The following BTAF1 variants were observed in gnomAD, a reference collection of about 807,000 sequenced individuals.
BTAF1 encodes the protein B-TFIID TATA-box binding protein associated factor 1.
Under a neutral mutation model 227.1 loss-of-function variants are expected in BTAF1, and 38 were observed. The ratio of observed to expected loss-of-function variants is 0.17; its 90% CI spans 0.13 to 0.22. The LOEUF (loss-of-function observed/expected upper bound fraction) is 0.22, where lower values mean the gene tolerates loss of function less well. BTAF1 is among the 10% of genes least tolerant of loss of function. The pLI is 1.00. For synonymous variants in BTAF1, 742 were observed against 751.9 expected (o/e 0.99, Z 0.21); for missense variants, 1,598 against 2,204.0 (o/e 0.73, Z 5.51).
intron 19 of BTAF1, among the ~76,000 whole-genome samples, chr10:91,986,335 A>T (rs904528090): frequency 1.3e-5 from 2 of 152,164 alleles, no homozygotes; most frequent in East Asian, 3.8e-4. Flanking sequence ...TCCATGCTTC[A>T]TTACAGCAGC....
Position 91,956,834 on chromosome 10 carries a change from T to C in BTAF1, c.831+177T>C, listed in dbSNP as rs12262352. ...TGAAACCCTGTCTCTACTAAAGATA[T>C]AAAAAATTAGCCAGACGTGGTGGCA... is the stretch of plus-strand genomic sequence containing the variant. On this transcript the variant is annotated intron_variant, in intron 7 of 37. Transcript: ENST00000265990. Among the ~76,000 whole-genome samples, 55,374 of 151,780 alleles carry C rather than the reference T, an allele frequency of 0.36. 11,948 individuals are homozygous for C. The highest frequency in any genetic ancestry group is 0.61 in the African/African-American group (25,408 of 41,356).
chr10:92,013,606 AC>A, intron 30 of BTAF1, 60 bp from the exon 31 acceptor site: 1 of 1,597,754 alleles, frequency 6.3e-7, no homozygotes, highest in East Asian at 2.2e-5. Context: ...CATTAATGTT[AC>A]TTTTTTAGTT....
rs748373174 is a variant in BTAF1, at chr10:92,026,710, C to T, written c.5194C>T (p.Arg1732Ter). ...VFVEHDWNPMRDLQAMDRAHR... is the reference protein window; with the variant it reads ...VFVEHDWNPM ...TGTGGAGCATGACTGGAATCCTATGCGAGATCTACAAGCCATGGACCGGGC... is the reference window on the plus strand; with the variant it reads ...TGTGGAGCATGACTGGAATCCTATGTGAGATCTACAAGCCATGGACCGGGC... The change falls in exon 36 of 38, where the codon CGA becomes TGA. Residue 1732 changes from arginine (R) to a stop codon, truncating the protein, a stop_gained. Transcript: ENST00000265990. LOFTEE classifies it high-confidence loss of function. The T allele has an allele frequency of 6.2e-7, 1 of 1,613,364 alleles. No homozygotes were observed. Among genetic ancestry groups the T allele is most frequent in the Non-Finnish European group, 8.5e-7 (1 of 1,179,802 alleles).
chr10:92,027,095 T>C (rs1029351325), intron 36 of BTAF1, 35 bp from the exon 37 acceptor site: 6 of 1,582,798 alleles, frequency 3.8e-6, no homozygotes, highest in Non-Finnish European at 4.3e-6. Context: ...AAGCATAATA[T>C]GTGTTACGGT....
Position 91,951,397 on chromosome 10 carries a change from T to A in BTAF1, c.401-6T>A. 1 of 1,605,252 alleles carries A rather than the reference T, an allele frequency of 6.2e-7. No individual in the cohort carries two copies. Among genetic ancestry groups the A allele is most frequent in the Non-Finnish European group, 8.5e-7 (1 of 1,177,654 alleles). ...TGGAGAAAACGTATTTCTTTTCTGT[T>A]GAAAGGTGAAGTGGATCCTAAAGAG... On this transcript the variant is annotated splice_polypyrimidine_tract_variant and splice_region_variant and intron_variant, in intron 4 of 37. Transcript: ENST00000265990.
chr10:91,934,812 C>T (rs1374845207), intron 1 of BTAF1, among the ~76,000 whole-genome samples: 1 of 152,036 alleles, frequency 6.6e-6, no homozygotes, highest in East Asian at 1.9e-4. Flanking sequence ...TATTTCTTCC[C>T]CTTTCCCTTT....
intron 37 of BTAF1, 101 bp from the exon 38 acceptor site, chr10:92,028,689 T>G: frequency 8.5e-7 from 1 of 1,177,100 alleles, no homozygotes; most frequent in South Asian, 1.5e-5. Flanking sequence ...TCAATTCTGT[T>G]GAATAATTGT....
Position 91,960,001 on chromosome 10 carries a change from T to C in BTAF1, c.1110T>C (p.Thr370=), listed in dbSNP as rs1335217468. The change falls in exon 11 of 38, where the codon ACT becomes ACC. Residue 370 remains threonine (T), a synonymous_variant. Transcript: ENST00000265990. ...SDEVVAPVRE[T]CAQTLGVVLK... ...AGGTTGTGGCACCAGTTCGTGAAAC[T>C]TGTGCTCAAACATTAGGTGTGGTTT... is the stretch of plus-strand genomic sequence containing the variant. 6.2e-7 allele frequency: 1 copy of C among 1,610,670 alleles called. No individual in the cohort carries two copies. Among genetic ancestry groups the C allele is most frequent in the Admixed American group, 1.7e-5 (1 of 59,578 alleles).
chr10:91,977,897 G>T (rs1847800657), intron 14 of BTAF1, among the ~76,000 whole-genome samples: 1 of 152,104 alleles, frequency 6.6e-6, no homozygotes, highest in Admixed American at 6.5e-5. Context: ...AAAATTGAAG[G>T]GAAAAGTACA....
At chr10:92,004,212 A>G (rs953788501) in intron 25 of BTAF1, among the ~76,000 whole-genome samples, 1 of 152,050 alleles carries the variant, frequency 6.6e-6, no homozygotes, top group Non-Finnish European at 1.5e-5. Flanking sequence ...CTCCTGTGCT[A>G]TACAGAAAGC....
Position 91,959,661 on chromosome 10 carries a change from C to G in BTAF1, c.991-124C>G, listed in dbSNP as rs538952018. On this transcript the variant is annotated intron_variant, in intron 9 of 37. Transcript: ENST00000265990. Reference sequence around the variant, plus strand: ...TTTTTGATTTTGGACCTAAGGTGTCCCCCAAGTCCCCAGTACAAAGTATGA... The same window carrying G: ...TTTTTGATTTTGGACCTAAGGTGTCGCCCAAGTCCCCAGTACAAAGTATGA... The G allele has an allele frequency of 1.6e-5, 6 of 381,360 alleles. No individual in the cohort carries two copies. In the East Asian group the frequency reaches 3.2e-4, roughly 20 times the overall value. 23.6% of individuals were successfully genotyped at this position (381,360 alleles called of 1,614,324 possible).
chr10:92,026,470 G>A (rs1269824255), intron 35 of BTAF1, 122 bp from the exon 36 acceptor site: 2 of 751,222 alleles, frequency 2.7e-6, no homozygotes, highest in Non-Finnish European at 4.1e-6. Flanking sequence ...AGATGATCAT[G>A]TAAGTATCCC....
At chr10:92,008,497 C>T (rs1014110869) in intron 26 of BTAF1, among the ~76,000 whole-genome samples, 3 of 149,876 alleles carry the variant, frequency 2.0e-5, no homozygotes, top group African/African-American at 7.4e-5. Context: ...ATGTGCACCA[C>T]TATGGCCAGC....
Position 91,948,550 on chromosome 10 carries a change from AT to A in BTAF1, c.401-2844del, listed in dbSNP as rs1387807047. 3.4e-5 allele frequency among the ~76,000 whole-genome samples: 5 copies of A among 147,060 alleles called. No individual in the cohort carries two copies. In the East Asian group the frequency reaches 8.0e-4, roughly 24 times the overall value. On this transcript the variant is annotated intron_variant, in intron 4 of 37. Coordinates refer to ENST00000265990, the MANE Select transcript of BTAF1 (RefSeq NM_003972.3). The stretch of plus-strand genomic sequence containing the variant: ...TGCCACCACGCCTGGCTAATTTTTT[AT>A]TTTTTTTTCTGTAGAGATGGGGGTC...
intron 6 of BTAF1, 133 bp from the exon 7 acceptor site, chr10:91,956,395 T>G: frequency 8.9e-7 from 1 of 1,121,466 alleles, no homozygotes. Context: ...AAGCAGAATA[T>G]GGTGTAAAAC....
intron 36 of BTAF1, among the ~76,000 whole-genome samples, 181 bp downstream of exon 36, chr10:92,026,932 C>T (rs1851555781): frequency 6.6e-6 from 1 of 152,156 alleles, no homozygotes; most frequent in Non-Finnish European, 1.5e-5. Context: ...GGTGCTAGCA[C>T]TTAGGAAAAC....
At chr10:91,956,346 G>A (rs1290084313) in intron 6 of BTAF1, among the ~76,000 whole-genome samples, 182 bp from the exon 7 acceptor site, 2 of 152,170 alleles carry the variant, frequency 1.3e-5, no homozygotes, top group East Asian at 1.9e-4. Context: ...ATTTTAAGCA[G>A]TTAGTCGTTT....
At chr10:91,942,201 T>C (rs1186293067) in intron 3 of BTAF1, among the ~76,000 whole-genome samples, 1 of 152,044 alleles carries the variant, frequency 6.6e-6, no homozygotes, top group Non-Finnish European at 1.5e-5. Flanking sequence ...GAAGAAGTCC[T>C]TGATCCCAGG....
At chr10:91,939,742 G>T (rs1344337934) in intron 2 of BTAF1, among the ~76,000 whole-genome samples, 1 of 152,050 alleles carries the variant, frequency 6.6e-6, no homozygotes, top group Admixed American at 6.6e-5. Context: ...CTGGCCACAG[G>T]TTTCTTAAAT....
Sources: gnomAD v4.1 joint callset for allele counts (sites outside exome capture counted in the v4.1 genomes callset) on GRCh38, gnomAD v4.1.1 for gene constraint, MANE v1.5 for transcripts, NCBI Gene and HGNC (gene_info 2026-07-23, HGNC 2026-07-21) for gene names.